Variants in PDE7B observed in about 807,000 individuals in gnomAD.
The protein encoded by PDE7B is phosphodiesterase 7B.
PDE7B carries 29 observed loss-of-function variants against 56.2 expected under a neutral mutation model. That is an observed-to-expected ratio of 0.52 (90% confidence interval 0.38 to 0.70). PDE7B has a LOEUF of 0.70. Among genes scored for constraint, PDE7B ranks in the 30% least tolerant of loss-of-function variants. The pLI is 0.00. For missense variants in PDE7B, 490 were observed against 565.0 expected, an observed-to-expected ratio of 0.87 and a Z score of 1.35; for synonymous variants, 197 against 196.9, an observed-to-expected ratio of 1.00 and a Z score of 0.00.
intron 1 of PDE7B, among the ~76,000 whole-genome samples, chr6:135,876,587 G>T (rs1036976488): frequency 2.0e-5 from 3 of 152,136 alleles, no homozygotes; most frequent in African/African-American, 4.8e-5. Context: ...GGCTGGGCGT[G>T]GTGGCTGAAG....
At chr6:136,119,412 C>T (rs1777891801) in intron 3 of PDE7B, among the ~76,000 whole-genome samples, 1 of 151,972 alleles carries the variant, frequency 6.6e-6, no homozygotes, top group Non-Finnish European at 1.5e-5. Context: ...ATTTCAATGT[C>T]CGCCAGAAAA....
At chr6:136,143,087 A>G (rs1421809577) in intron 3 of PDE7B, among the ~76,000 whole-genome samples, 1 of 152,080 alleles carries the variant, frequency 6.6e-6, no homozygotes, top group Non-Finnish European at 1.5e-5. Flanking sequence ...AGTGGCTGGT[A>G]CTGGTTGTTC....
chr6:135,932,328 A>G (rs1774308920), intron 1 of PDE7B, among the ~76,000 whole-genome samples: 1 of 152,156 alleles, frequency 6.6e-6, no homozygotes, highest in African/African-American at 2.4e-5. Context: ...TTGCAACTCA[A>G]TAGATAAATG....
chr6:135,875,580 A>G (rs1775476938), intron 1 of PDE7B, among the ~76,000 whole-genome samples: 1 of 152,150 alleles, frequency 6.6e-6, no homozygotes. Flanking sequence ...ATCTTTTTAA[A>G]TTTTTATAGC....
Position 136,149,210 on chromosome 6 carries a change from GA to G in PDE7B, c.382+65del, listed in dbSNP as rs1778470355. ...CACCATAAAGTGGGATTAATTTCAT[GA>G]AAAACAAAATTTATTTTTAAACACT... is the stretch of plus-strand genomic sequence containing the variant. On this transcript the variant is annotated intron_variant, in intron 5 of 12. Transcript: ENST00000308191. The G allele has an allele frequency of 2.6e-6, 3 of 1,156,322 alleles. No individual in the cohort carries two copies. The African/African-American group carries it at 4.6e-5, about 18-fold the overall frequency. 71.6% of individuals were successfully genotyped at this position (1,156,322 alleles called of 1,614,324 possible). A position where few individuals can be genotyped will look rare whatever the true frequency, so the allele number is the denominator to read the frequency against.
In PDE7B at chr6:136,108,896, C is replaced by T. The variant is rs966540793; in HGVS notation, c.166+82C>T. The T allele has an allele frequency of 2.9e-5, 26 of 898,464 alleles. 1 individual carries two copies. Among genetic ancestry groups the T allele is most frequent in the African/African-American group, 3.3e-5 (2 of 61,084 alleles). The allele number at this position is 898,464 out of a possible 1,614,324, so 55.7% of individuals were successfully genotyped here. On this transcript the variant is annotated intron_variant, in intron 3 of 12. Transcript: ENST00000308191. ...AAAATCCTCATTTCCCTCTGAACTT[C>T]GAAACCTTCTGGGGTCTGCCTTCCT...
intron 2 of PDE7B, among the ~76,000 whole-genome samples, chr6:135,975,592 A>G (rs762605583): frequency 3.5e-5 from 5 of 144,306 alleles, no homozygotes; most frequent in Non-Finnish European, 7.4e-5. Flanking sequence ...CTTGTAGAGC[A>G]CTGCAGGGCC....
At chr6:136,004,759 G>A (rs1218551508) in intron 2 of PDE7B, among the ~76,000 whole-genome samples, 11 of 152,254 alleles carry the variant, frequency 7.2e-5, no homozygotes, top group East Asian at 3.9e-4. Context: ...AATCAATATC[G>A]TGAAAATGGC....
intron 1 of PDE7B, among the ~76,000 whole-genome samples, chr6:135,867,988 A>G (rs1775296191): frequency 6.6e-6 from 1 of 152,200 alleles, no homozygotes; most frequent in African/African-American, 2.4e-5. Flanking sequence ...ATCCACAAAT[A>G]AATTTTTCAA....
At chr6:136,179,224 C>G in intron 10 of PDE7B, 83 bp downstream of exon 10, 1 of 1,290,312 alleles carries the variant, frequency 7.8e-7, no homozygotes, top group Non-Finnish European at 1.1e-6. Flanking sequence ...ATCTGTAGTC[C>G]CAGCTACTTG....
chr6:135,866,322 A>G (rs1162737220), intron 1 of PDE7B, among the ~76,000 whole-genome samples: 2 of 152,192 alleles, frequency 1.3e-5, no homozygotes, highest in African/African-American at 4.8e-5. Context: ...AATGAGAAGT[A>G]TTTATCAAAA....
chr6:135,981,473 A>G (rs1006591814), intron 2 of PDE7B, among the ~76,000 whole-genome samples: 1 of 151,784 alleles, frequency 6.6e-6, no homozygotes, highest in Non-Finnish European at 1.5e-5. Context: ...TAAACAGACT[A>G]CTGGTATTTT....
At chr6:135,913,416 T>C (rs968877986) in intron 1 of PDE7B, among the ~76,000 whole-genome samples, 2 of 152,098 alleles carry the variant, frequency 1.3e-5, no homozygotes, top group African/African-American at 4.8e-5. Context: ...CCTTTATTTT[T>C]TCATCATGTT....
chr6:136,074,392 A>G (rs1370961532), intron 2 of PDE7B, among the ~76,000 whole-genome samples: 1 of 152,146 alleles, frequency 6.6e-6, no homozygotes, highest in African/African-American at 2.4e-5. Flanking sequence ...GGTAAATGGG[A>G]TATCTATCAC....
At chr6:135,952,112 T>TGAGAATTTTCTCA in intron 2 of PDE7B, among the ~76,000 whole-genome samples, 1 of 152,098 alleles carries the variant, frequency 6.6e-6, no homozygotes, top group East Asian at 1.9e-4. Context: ...AGCCCAGGGG[T>TGAGAATTTTCTCA]TTTTCTGGTG....
At chr6:135,997,035 A>G (rs183392815) in intron 2 of PDE7B, among the ~76,000 whole-genome samples, 93 of 152,208 alleles carry the variant, frequency 6.1e-4, no homozygotes, top group African/African-American at 2.2e-3. Flanking sequence ...TCCCGATGGA[A>G]GCTGGAGGCC....
chr6:136,136,863 T>A (rs1778221053), intron 3 of PDE7B, among the ~76,000 whole-genome samples: 2 of 151,942 alleles, frequency 1.3e-5, no homozygotes, highest in Admixed American at 1.3e-4. Flanking sequence ...TATGTATAAG[T>A]TTTAGCATCT....
chr6:136,030,572 T>C (rs1488107489), intron 2 of PDE7B, among the ~76,000 whole-genome samples: 2 of 152,258 alleles, frequency 1.3e-5, no homozygotes, highest in Non-Finnish European at 2.9e-5. Flanking sequence ...CTGCTTCCTT[T>C]TTTTTCCATC....
chr6:136,037,381 T>C, intron 2 of PDE7B: 1 of 979,310 alleles, frequency 1.0e-6, no homozygotes. Context: ...CAGCTGAGGT[T>C]ATGAAGGGAT....
Sources: gnomAD v4.1 joint callset for allele counts (sites outside exome capture counted in the v4.1 genomes callset) on GRCh38, gnomAD v4.1.1 for gene constraint, MANE v1.5 for transcripts, NCBI Gene and HGNC (gene_info 2026-07-23, HGNC 2026-07-21) for gene names.